IKZF1: variants seen among roughly 807,000 people sequenced by gnomAD.
IKZF1 encodes the protein DNA-binding protein Ikaros.
A neutral mutation model predicts 51.7 loss-of-function variants in IKZF1; 10 were observed. The ratio of observed to expected loss-of-function variants is 0.19; its 90% CI spans 0.12 to 0.33. The LOEUF (loss-of-function observed/expected upper bound fraction) is 0.33. Among genes scored for constraint, IKZF1 ranks in the 10% least tolerant of loss-of-function variants. The pLI, the probability that IKZF1 is intolerant of heterozygous loss-of-function variation, is 1.00. For missense variants in IKZF1, 484 were observed against 707.5 expected, an observed-to-expected ratio of 0.68 and a Z score of 3.58; for synonymous variants, 280 against 282.3, an observed-to-expected ratio of 0.99 and a Z score of 0.08.
chr7:50,361,121 G>A (rs1208949444), intron 3 of IKZF1, among the ~76,000 whole-genome samples: 1 of 152,164 alleles, frequency 6.6e-6, no homozygotes, highest in Non-Finnish European at 1.5e-5. Flanking sequence ...TCTAATCATT[G>A]TTCCTCCAGC....
intron 3 of IKZF1, among the ~76,000 whole-genome samples, chr7:50,329,937 G>A (rs1168530047): frequency 6.6e-6 from 1 of 152,234 alleles, no homozygotes; most frequent in Non-Finnish European, 1.5e-5. Flanking sequence ...CCGATTCCTG[G>A]AGAGTGAAGA....
intron 7 of IKZF1, chr7:50,394,109 G>A (rs1462824474): frequency 8.6e-6 from 2 of 232,596 alleles, no homozygotes; most frequent in African/African-American, 2.2e-5. Context: ...GTGCTCTGAT[G>A]AGGCAAAGCG....
In IKZF1 at chr7:50,401,925, G is replaced by A. The variant is rs928507400; in HGVS notation, c.*1298G>A. 56 of 226,832 alleles carry A rather than the reference G, an allele frequency of 2.5e-4. No homozygotes were observed. The highest frequency in any genetic ancestry group is 1.1e-3 in the African/African-American group (51 of 44,966). 14.1% of individuals were successfully genotyped at this position (226,832 alleles called of 1,614,324 possible). A position where few individuals can be genotyped will look rare whatever the true frequency, so the allele number is the denominator to read the frequency against. On this transcript the variant is annotated 3_prime_UTR_variant, in exon 8 of 8. Transcript: ENST00000331340. ...ATGTGTGTCCACACATACATAGGAT[G>A]GCTGGCTCTGCACCTGTAGGATATT...
chr7:50,316,425 G>A (rs1791545249), intron 1 of IKZF1, among the ~76,000 whole-genome samples: 1 of 152,222 alleles, frequency 6.6e-6, no homozygotes, highest in Non-Finnish European at 1.5e-5. Flanking sequence ...GGGCAGGAGT[G>A]GTGATAGGGC....
At chr7:50,383,420 T>A (rs1812430254) in intron 5 of IKZF1, among the ~76,000 whole-genome samples, 1 of 152,226 alleles carries the variant, frequency 6.6e-6, no homozygotes. Context: ...TTTGGTTAGA[T>A]CCTCTGCCTC....
intron 5 of IKZF1, among the ~76,000 whole-genome samples, chr7:50,383,891 G>A (rs1008380473): frequency 6.6e-6 from 1 of 152,264 alleles, no homozygotes; most frequent in Admixed American, 6.5e-5. Context: ...TTTGATGGTT[G>A]AGGGTTTTAG....
chr7:50,386,176 T>C (rs1335891621), intron 5 of IKZF1, among the ~76,000 whole-genome samples: 1 of 152,268 alleles, frequency 6.6e-6, no homozygotes, highest in East Asian at 1.9e-4. Context: ...AAATGGTATC[T>C]ACTGAAGTCC....
chr7:50,319,006 G>A (rs371732577), intron 1 of IKZF1, 42 bp from the exon 2 acceptor site: 51 of 1,234,366 alleles, frequency 4.1e-5, no homozygotes, highest in Non-Finnish European at 5.9e-5. Context: ...TATCTTATTA[G>A]TATTTTTGCT....
intron 5 of IKZF1, among the ~76,000 whole-genome samples, chr7:50,386,754 G>A (rs12718910): frequency 0.39 from 59,904 of 151,870 alleles, 12,597 homozygotes; most frequent in Non-Finnish European, 0.49. Context: ...TAATGCAAAT[G>A]TAAGATATAT....
chr7:50,400,859 A>C lies in IKZF1; in HGVS notation c.*232A>C, dbSNP rs1817995710. The stretch of plus-strand genomic sequence containing the variant: ...TGCATTGGGAGCATCCAGAACTGCT[A>C]CCTTCCTAGATGTTTCCCCAGACCG... On this transcript the variant is annotated 3_prime_UTR_variant, in exon 8 of 8. Transcript: ENST00000331340. This position sits in a 1 kb window ranked among gnomAD's most constrained non-coding sequence, Gnocchi z 5.4. 1.7e-6 allele frequency: 1 copy of C among 575,614 alleles called. No homozygotes were observed. Among genetic ancestry groups the C allele is most frequent in the African/African-American group, 1.9e-5 (1 of 53,196 alleles). The allele number at this position is 575,614 out of a possible 1,614,324, so 35.7% of individuals were successfully genotyped here.
intron 7 of IKZF1, 67 bp downstream of exon 7, chr7:50,391,930 T>C: frequency 6.5e-7 from 1 of 1,537,632 alleles, no homozygotes; most frequent in African/African-American, 1.4e-5. Flanking sequence ...CAAGTAGAAA[T>C]GAGTTGAGGG....
intron 3 of IKZF1, among the ~76,000 whole-genome samples, chr7:50,338,359 G>A (rs2153411032): frequency 6.6e-6 from 1 of 152,310 alleles, no homozygotes; most frequent in African/African-American, 2.4e-5. Context: ...AGAGTAGATA[G>A]ATAACATTTT....
chr7:50,376,483 GT>G lies in IKZF1; in HGVS notation c.161-40del, dbSNP rs112450927. On this transcript the variant is annotated intron_variant, in intron 3 of 7. Transcript: ENST00000331340. The surrounding 1 kb of genome is among the most constrained non-coding windows in gnomAD (Gnocchi z 4.5). ...TTTTGCTGCTGTGTTGTTTTGTTGA[GT>G]TTTTTTTTTGCAATGACACTGAGTG... 2.4e-4 allele frequency: 325 copies of G among 1,355,946 alleles called. No homozygotes were observed. The highest frequency in any genetic ancestry group is 8.9e-4 in the Admixed American group (44 of 49,288). The allele number at this position is 1,355,946 out of a possible 1,614,324, so 84.0% of individuals were successfully genotyped here.
intron 2 of IKZF1, among the ~76,000 whole-genome samples, chr7:50,319,899 A>G (rs1792694074): frequency 6.6e-6 from 1 of 152,190 alleles, no homozygotes; most frequent in Non-Finnish European, 1.5e-5. Flanking sequence ...TGAAGTTTCT[A>G]TGGGATTCTA....
chr7:50,337,621 A>G (rs1161169077), intron 3 of IKZF1, among the ~76,000 whole-genome samples: 2 of 152,220 alleles, frequency 1.3e-5, no homozygotes, highest in Non-Finnish European at 2.9e-5. Flanking sequence ...GCTGTCTGAT[A>G]CATTGGTATT....
chr7:50,384,560 T>C (rs1443797351), intron 5 of IKZF1, among the ~76,000 whole-genome samples: 2 of 152,218 alleles, frequency 1.3e-5, no homozygotes, highest in Non-Finnish European at 2.9e-5. Flanking sequence ...TCCCCTGAGA[T>C]AGGAAGACAG....
chr7:50,356,521 CAT>C (rs1803428083), intron 3 of IKZF1, among the ~76,000 whole-genome samples: 1 of 152,034 alleles, frequency 6.6e-6, no homozygotes, highest in Admixed American at 6.6e-5. Context: ...TCTGTGTGTA[CAT>C]GTGTGTCTGT....
intron 3 of IKZF1, among the ~76,000 whole-genome samples, chr7:50,361,351 T>G (rs1243866379): frequency 6.6e-6 from 1 of 152,194 alleles, no homozygotes; most frequent in Non-Finnish European, 1.5e-5. Flanking sequence ...CAAATATCAT[T>G]TTTACAAAAA....
chr7:50,404,574 T>C lies in IKZF1; in HGVS notation c.*3947T>C, dbSNP rs1454979964. 4.4e-6 allele frequency: 1 copy of C among 229,448 alleles called. No individual in the cohort carries two copies. The highest frequency in any genetic ancestry group is 8.6e-6 in the Non-Finnish European group (1 of 115,674). The allele number at this position is 229,448 out of a possible 1,614,324, so 14.2% of individuals were successfully genotyped here. On this transcript the variant is annotated 3_prime_UTR_variant, in exon 8 of 8. Coordinates refer to ENST00000331340, the MANE Select transcript of IKZF1 (RefSeq NM_006060.6). The stretch of plus-strand genomic sequence containing the variant: ...GGCCTCAGGACAGCTGCAATACCAC[T>C]TGGGAACACATGTGGTGTCTTGATG...
Sources: gnomAD v4.1 joint callset for allele counts (sites outside exome capture counted in the v4.1 genomes callset) on GRCh38, gnomAD v4.1.1 for gene constraint, Gnocchi (gnomAD v3.1) non-coding constraint, MANE v1.5 for transcripts, NCBI Gene and HGNC (gene_info 2026-07-23, HGNC 2026-07-21) for gene names.